The following DLC1 variants were observed in gnomAD, a reference collection of about 807,000 sequenced individuals.
The protein encoded by DLC1 is DLC1 Rho GTPase activating protein.
In DLC1, 54 loss-of-function variants were observed where a neutral mutation model predicts 140.3. The observed-to-expected ratio is 0.38, with a 90% confidence interval of 0.31 to 0.48. The LOEUF is 0.48. Among genes scored for constraint, DLC1 ranks in the 20% least tolerant of loss-of-function variants. The pLI, the probability that DLC1 is intolerant of heterozygous loss-of-function variation, is 0.96. For synonymous variants in DLC1, 986 were observed against 728.1 expected, an observed-to-expected ratio of 1.35 and a Z score of -5.70; for missense variants, 2,536 against 1,907.0, an observed-to-expected ratio of 1.33 and a Z score of -6.14.
At chr8:13,329,462 C>A (rs1833499468) in intron 4 of DLC1, among the ~76,000 whole-genome samples, 2 of 152,102 alleles carry the variant, frequency 1.3e-5, no homozygotes, top group Admixed American at 6.5e-5. Context: ...ACTGGTTTAA[C>A]CCCAGTCATC....
chr8:13,271,750 T>C (rs1050499326), intron 5 of DLC1, among the ~76,000 whole-genome samples: 1 of 152,234 alleles, frequency 6.6e-6, no homozygotes, highest in Admixed American at 6.5e-5. Context: ...AGTGGCATGA[T>C]CATAGCTCAC....
intron 5 of DLC1, chr8:13,116,243 G>T: frequency 1.0e-6 from 1 of 985,400 alleles, no homozygotes; most frequent in Non-Finnish European, 1.2e-6. Flanking sequence ...CACGAAGTCA[G>T]TAAATCCCAC....
At chr8:13,280,886 C>G (rs1831342179) in intron 5 of DLC1, among the ~76,000 whole-genome samples, 1 of 152,144 alleles carries the variant, frequency 6.6e-6, no homozygotes, top group Non-Finnish European at 1.5e-5. Context: ...GATTATAACC[C>G]CATTGGTTAA....
Position 13,573,122 on chromosome 8 carries a change from C to G in DLC1, c.-126+31415G>C, listed in dbSNP as rs147981784. Among the ~76,000 whole-genome samples, 29 of 152,248 alleles carry G rather than the reference C, an allele frequency of 1.9e-4. No individual in the cohort carries two copies. In the East Asian group the frequency reaches 4.8e-3, roughly 25 times the overall value. Reference sequence around the variant, plus strand: ...TTCACGCACATTGATGTCTTTACGTCTTTTAAAAATTTATTTTGTCAGTGT... The same window carrying G: ...TTCACGCACATTGATGTCTTTACGTGTTTTAAAAATTTATTTTGTCAGTGT... On this transcript the variant is annotated intron_variant, in intron 1 of 1. Transcript: ENST00000631382.
chr8:13,589,217 T>G (rs769161685), intron 1 of DLC1, among the ~76,000 whole-genome samples: 1 of 152,132 alleles, frequency 6.6e-6, no homozygotes, highest in Non-Finnish European at 1.5e-5. Flanking sequence ...AGCCCAGAGA[T>G]GCTTATGTAT....
rs980653134 is a variant in DLC1, at chr8:13,170,079, C to T, written c.1349-54422G>A. On this transcript the variant is annotated intron_variant, in intron 5 of 17. Coordinates refer to ENST00000276297, the MANE Select transcript of DLC1 (RefSeq NM_182643.3). ...TTTCATGCTTTAGGTCCCCTGAGCT[C>T]GAAAATTCTGTGATTTATGAAATAA... Among the ~76,000 whole-genome samples the T allele has an allele frequency of 5.9e-5, 9 of 151,880 alleles. No homozygotes were observed. The South Asian group carries it at 1.5e-3, about 25-fold the overall frequency.
chr8:13,602,160 T>C (rs1474330414), intron 1 of DLC1, among the ~76,000 whole-genome samples: 4 of 151,782 alleles, frequency 2.6e-5, no homozygotes. Context: ...AACAATACCA[T>C]GGTATTGCAA....
chr8:13,366,378 C>G (rs1835480237), intron 4 of DLC1, among the ~76,000 whole-genome samples: 1 of 152,150 alleles, frequency 6.6e-6, no homozygotes, highest in Admixed American at 6.5e-5. Context: ...TGGACACTGT[C>G]CATGGCCCCA....
Position 13,487,531 on chromosome 8 carries a change from G to A in DLC1, c.1023+11518C>T, listed in dbSNP as rs146735576. Among the ~76,000 whole-genome samples the A allele has an allele frequency of 3.4e-3, 516 of 151,806 alleles. 3 individuals carry two copies. Among genetic ancestry groups the A allele is most frequent in the African/African-American group, 0.012 (503 of 41,354 alleles). ...ACAGCATAGCTGTTGAACTCACAGG[G>A]TCTGCATGCTCCCATTTTCTGTTCT... is the stretch of plus-strand genomic sequence containing the variant. On this transcript the variant is annotated intron_variant, in intron 2 of 17. Transcript: ENST00000276297.
At chr8:13,292,345 G>C (rs1032096379) in intron 5 of DLC1, among the ~76,000 whole-genome samples, 2 of 152,154 alleles carry the variant, frequency 1.3e-5, no homozygotes, top group Non-Finnish European at 1.5e-5. Context: ...TGGGAGAACG[G>C]CTCCTGATTA....
chr8:13,383,120 T>A (rs1456425813), intron 4 of DLC1, among the ~76,000 whole-genome samples: 1 of 152,150 alleles, frequency 6.6e-6, no homozygotes, highest in Non-Finnish European at 1.5e-5. Flanking sequence ...CACGGGGCAT[T>A]TCATTAGAAA....
chr8:13,146,820 C>A lies in DLC1; in HGVS notation c.1349-31163G>T, dbSNP rs570971432. On this transcript the variant is annotated intron_variant, in intron 5 of 17. Coordinates refer to ENST00000276297, the MANE Select transcript of DLC1 (RefSeq NM_182643.3). ...CAAACCAGGAAATTTAATTTAGAAA[C>A]CAAAGGACACTTCTGGTTAGTGTTG... is the stretch of plus-strand genomic sequence containing the variant. 3.3e-5 allele frequency among the ~76,000 whole-genome samples: 5 copies of A among 152,234 alleles called. No individual in the cohort carries two copies. In the South Asian group the frequency reaches 1.0e-3, roughly 32 times the overall value.
At chr8:13,250,356 A>T (rs76149810) in intron 5 of DLC1, among the ~76,000 whole-genome samples, 1 of 152,192 alleles carries the variant, frequency 6.6e-6, no homozygotes, top group African/African-American at 2.4e-5. Flanking sequence ...GGTTGAAGTC[A>T]GCTGGCCCAC....
chr8:13,491,485 A>G (rs1300379739), intron 2 of DLC1, among the ~76,000 whole-genome samples: 1 of 152,204 alleles, frequency 6.6e-6, no homozygotes, highest in Non-Finnish European at 1.5e-5. Flanking sequence ...GAACATACAT[A>G]AAATTAAATG....
chr8:13,201,750 C>T (rs1396321844), intron 5 of DLC1, among the ~76,000 whole-genome samples: 1 of 151,700 alleles, frequency 6.6e-6, no homozygotes, highest in Non-Finnish European at 1.5e-5. Flanking sequence ...CTCTAAAACG[C>T]ATCATGAATG....
At chr8:13,132,831 G>C (rs1315665330) in intron 5 of DLC1, 3 of 1,319,104 alleles carry the variant, frequency 2.3e-6, no homozygotes, top group East Asian at 5.0e-5. Flanking sequence ...AGCGTTTAAA[G>C]AGCACAGAAC....
At chr8:13,126,374 C>CACAA (rs1290917241) in intron 5 of DLC1, among the ~76,000 whole-genome samples, 1 of 151,400 alleles carries the variant, frequency 6.6e-6, no homozygotes, top group East Asian at 1.9e-4. Flanking sequence ...TCCATACACA[C>CACAA]ACACACACAC....
At chr8:13,192,680 A>T (rs1258749088) in intron 5 of DLC1, among the ~76,000 whole-genome samples, 2 of 152,180 alleles carry the variant, frequency 1.3e-5, no homozygotes, top group East Asian at 3.9e-4. Flanking sequence ...GACTTTGGAG[A>T]TAAGGTCTTT....
chr8:13,457,721 C>T (rs1799473026), intron 2 of DLC1, among the ~76,000 whole-genome samples: 1 of 144,724 alleles, frequency 6.9e-6, no homozygotes, highest in Admixed American at 6.9e-5. Flanking sequence ...ACAGTACACA[C>T]AATCCCTTCT....
Sources: gnomAD v4.1 joint callset for allele counts (sites outside exome capture counted in the v4.1 genomes callset) on GRCh38, gnomAD v4.1.1 for gene constraint, MANE v1.5 for transcripts, NCBI Gene and HGNC (gene_info 2026-07-23, HGNC 2026-07-21) for gene names.